The following GNAI3 variants were observed in gnomAD, a reference collection of about 807,000 sequenced individuals.
GNAI3 encodes the protein guanine nucleotide-binding protein G(i) subunit alpha-3.
Under a neutral mutation model 41.8 loss-of-function variants are expected in GNAI3, and 12 were observed. The ratio of observed to expected loss-of-function variants is 0.29; its 90% CI spans 0.18 to 0.47. The LOEUF is 0.47. Ranked by LOEUF, GNAI3 falls within the 20% of genes least tolerant of loss-of-function variation. GNAI3 has a pLI of 1.00. For synonymous variants in GNAI3, 132 were observed against 146.5 expected (o/e 0.90, Z 0.71); for missense variants, 360 against 429.6 (o/e 0.84, Z 1.43).
rs559558041 is a variant in GNAI3, at chr1:109,560,330, C to G, written c.118+11492C>G. Among the ~76,000 whole-genome samples, 6 of 152,152 alleles carry G rather than the reference C, an allele frequency of 3.9e-5. No homozygotes were observed. In the South Asian group the frequency reaches 1.2e-3, roughly 32 times the overall value. On this transcript the variant is annotated intron_variant, in intron 1 of 8. Coordinates refer to ENST00000369851, the MANE Select transcript of GNAI3 (RefSeq NM_006496.4). ...ATCTCAAAGAATTCTTATTGCTTAC[C>G]TTGGAAGTAGATAGTATTCTAAGTC...
intron 4 of GNAI3, among the ~76,000 whole-genome samples, chr1:109,581,844 G>A (rs752753992): frequency 2.0e-4 from 30 of 152,014 alleles, no homozygotes; most frequent in Non-Finnish European, 3.2e-4. Flanking sequence ...AGCCGAGTTC[G>A]CACCACTGCA....
intron 1 of GNAI3, among the ~76,000 whole-genome samples, chr1:109,558,980 C>T (rs1648235152): frequency 1.3e-5 from 2 of 152,092 alleles, no homozygotes; most frequent in South Asian, 4.1e-4. Flanking sequence ...AGTTCGAGAC[C>T]AGCCTGGCCA....
At chr1:109,569,569 A>G (rs112127942) in intron 1 of GNAI3, among the ~76,000 whole-genome samples, 6 of 152,222 alleles carry the variant, frequency 3.9e-5, no homozygotes, top group Non-Finnish European at 8.8e-5. Context: ...TGCTAGAACA[A>G]TGGAGCACAG....
At position 109,586,320 on chromosome 1, in the gene GNAI3, T is replaced by A; in HGVS notation, c.695T>A (p.Leu232His). 6.2e-7 allele frequency: 1 copy of A among 1,612,810 alleles called. No homozygotes were observed. The change falls in exon 6 of 9, where the codon CTT (leucine) becomes CAT (histidine). Residue 232 changes from leucine to histidine, a missense_variant. Leu to His is a moderately conservative substitution (Grantham distance 99). Transcript: ENST00000369851. ...TGTGTGGCCCTCAGTGATTATGACCTTGTTCTGGCTGAGGACGAGGAGATG... is the reference window on the plus strand; with the variant it reads ...TGTGTGGCCCTCAGTGATTATGACCATGTTCTGGCTGAGGACGAGGAGATG... ...IFCVALSDYDLVLAEDEEMNR... is the reference protein window; with the variant it reads ...IFCVALSDYDHVLAEDEEMNR...
In GNAI3 at chr1:109,598,751, A is replaced by T. The variant is rs2101117642; in HGVS notation, c.*6429A>T. Reference sequence around the variant, plus strand: ...TGCTTTTTCATGGCAAAAAGACAGAAAAGTTCCCTTCTGCAGTCTCCAGTG... The same window carrying T: ...TGCTTTTTCATGGCAAAAAGACAGATAAGTTCCCTTCTGCAGTCTCCAGTG... On this transcript the variant is annotated 3_prime_UTR_variant, in exon 9 of 9. Coordinates refer to ENST00000369851, the MANE Select transcript of GNAI3 (RefSeq NM_006496.4). 3.0e-6 allele frequency: 1 copy of T among 329,992 alleles called. No individual in the cohort carries two copies. The highest frequency in any genetic ancestry group is 7.3e-5 in the East Asian group (1 of 13,758). The allele number at this position is 329,992 out of a possible 1,614,324, so 20.4% of individuals were successfully genotyped here. A position where few individuals can be genotyped will look rare whatever the true frequency, so the allele number is the denominator to read the frequency against.
chr1:109,568,572 C>T (rs1557906021), intron 1 of GNAI3, among the ~76,000 whole-genome samples: 1 of 152,060 alleles, frequency 6.6e-6, no homozygotes, highest in Non-Finnish European at 1.5e-5. Flanking sequence ...AAACAAAACC[C>T]CATGTTTAGG....
rs145343491 is a variant in GNAI3, at chr1:109,554,122, A to G, written c.118+5284A>G. ...TGTGTATATCACATTTTCTTTATCC[A>G]CTCGTTGATTGATGGGCATTTGGGC... On this transcript the variant is annotated intron_variant, in intron 1 of 8. Transcript: ENST00000369851. Among the ~76,000 whole-genome samples, 545 of 150,344 alleles carry G rather than the reference A, an allele frequency of 3.6e-3. 3 individuals are homozygous for G. The highest frequency in any genetic ancestry group is 7.2e-3 in the Admixed American group (108 of 15,090).
chr1:109,586,825 CT>C lies in GNAI3; in HGVS notation c.822del (p.Phe274LeufsTer5), dbSNP rs1557911996. The C allele has an allele frequency of 6.3e-7, 1 of 1,596,004 alleles. No individual in the cohort carries two copies. The highest frequency in any genetic ancestry group is 8.6e-7 in the Non-Finnish European group (1 of 1,163,844). On this transcript the variant is annotated frameshift_variant, in exon 7 of 9. Transcript: ENST00000369851. LOFTEE classifies it high-confidence loss of function. ...SIILFLNKKDLFEEKIKRSPL... is the reference protein window; with the variant it reads ...SIILFLNKKDXFEEKIKRSPL... ...CATTCTCTTCCTTAACAAGAAAGAC[CT>C]TTTTGAGGAAAAAATAAAGAGGAGT...
intron 3 of GNAI3, among the ~76,000 whole-genome samples, chr1:109,578,886 T>TC (rs1351666906): frequency 6.6e-6 from 1 of 152,210 alleles, no homozygotes; most frequent in African/African-American, 2.4e-5. Flanking sequence ...ACCAGTTTTT[T>TC]TCTCTCAAAA....
At chr1:109,560,656 T>G (rs533768426) in intron 1 of GNAI3, among the ~76,000 whole-genome samples, 26 of 152,318 alleles carry the variant, frequency 1.7e-4, no homozygotes, top group Non-Finnish European at 3.1e-4. Flanking sequence ...GCTCTTGTGA[T>G]CCTCCTGTGT....
chr1:109,587,531 G>GA (rs1649060839), intron 7 of GNAI3, among the ~76,000 whole-genome samples: 1 of 152,136 alleles, frequency 6.6e-6, no homozygotes. Flanking sequence ...AAGCATTTTA[G>GA]AAAAGAGGAA....
chr1:109,563,772 C>A (rs1648376529), intron 1 of GNAI3, among the ~76,000 whole-genome samples: 1 of 152,132 alleles, frequency 6.6e-6, no homozygotes, highest in Non-Finnish European at 1.5e-5. Context: ...AAAAACATCT[C>A]CCCCTCTGTC....
chr1:109,590,605 T>A (rs912414851), intron 7 of GNAI3, among the ~76,000 whole-genome samples: 1 of 151,944 alleles, frequency 6.6e-6, no homozygotes, highest in African/African-American at 2.4e-5. Context: ...AGACAGTGTC[T>A]TGCTCTGTCT....
At chr1:109,580,818 C>G (rs1301978366) in intron 4 of GNAI3, among the ~76,000 whole-genome samples, 1 of 152,206 alleles carries the variant, frequency 6.6e-6, no homozygotes. Context: ...TACATTTATA[C>G]AGTCTGTTGT....
At chr1:109,586,443 C>CAA in intron 6 of GNAI3, 98 bp downstream of exon 6, 1 of 1,206,354 alleles carries the variant, frequency 8.3e-7, no homozygotes, top group East Asian at 2.4e-5. Flanking sequence ...CTCATTCAAC[C>CAA]AAAACTTAGT....
chr1:109,571,875 G>A lies in GNAI3; in HGVS notation c.119-1862G>A, dbSNP rs553692304. Among the ~76,000 whole-genome samples the A allele has an allele frequency of 1.3e-4, 20 of 151,286 alleles. No individual in the cohort carries two copies. In the East Asian group the frequency reaches 3.5e-3, roughly 27 times the overall value. Reference sequence around the variant, plus strand: ...AGATGTTGCAGTGAGCCAAGATTGCGCCACTGCACTCCAGCCTGGGTGACA... The same window carrying A: ...AGATGTTGCAGTGAGCCAAGATTGCACCACTGCACTCCAGCCTGGGTGACA... On this transcript the variant is annotated intron_variant, in intron 1 of 8. Transcript: ENST00000369851.
chr1:109,573,832 A>AT lies in GNAI3; in HGVS notation c.161+53_161+54insT, dbSNP rs1352595192. On this transcript the variant is annotated intron_variant, in intron 2 of 8. Transcript: ENST00000369851. ...ACTAGGATTTCTCCTAATGCATATA[A>AT]AGTCCATAGTATCTTTTCATTTTAG... 5.0e-5 allele frequency: 80 copies of AT among 1,591,158 alleles called. No homozygotes were observed. The Middle Eastern group carries it at 6.6e-4, about 13-fold the overall frequency.
intron 1 of GNAI3, among the ~76,000 whole-genome samples, chr1:109,565,688 G>A (rs145660084): frequency 8.1e-4 from 123 of 152,256 alleles, no homozygotes; most frequent in African/African-American, 2.8e-3. Context: ...GGCGGGGGGT[G>A]CACAAAAAGA....
intron 1 of GNAI3, among the ~76,000 whole-genome samples, chr1:109,573,240 G>A (rs2101100464): frequency 6.6e-6 from 1 of 152,298 alleles, no homozygotes; most frequent in Non-Finnish European, 1.5e-5. Flanking sequence ...ATGACATATG[G>A]TGAGAAATTG....
Sources: gnomAD v4.1 joint callset for allele counts (sites outside exome capture counted in the v4.1 genomes callset) on GRCh38, gnomAD v4.1.1 for gene constraint, MANE v1.5 for transcripts, NCBI Gene and HGNC (gene_info 2026-07-23, HGNC 2026-07-21) for gene names.